The following FAM227B variants were observed in gnomAD, a reference collection of about 807,000 sequenced individuals.
The protein encoded by FAM227B is family with sequence similarity 227 member B.
In FAM227B, 88 loss-of-function variants were observed where a neutral mutation model predicts 73.8. The observed-to-expected ratio is 1.19, with a 90% CI of 1.00 to 1.42. The LOEUF is 1.42. Among genes scored for constraint, FAM227B ranks in the 40% most tolerant of loss-of-function variants. The pLI is 0.00. For missense variants in FAM227B, 632 were observed against 590.9 expected (o/e 1.07, Z -0.72); for synonymous variants, 210 against 190.5 (o/e 1.10, Z -0.84).
chr15:49,431,028 T>G (rs968428879), intron 11 of FAM227B, among the ~76,000 whole-genome samples: 7 of 151,816 alleles, frequency 4.6e-5, no homozygotes, highest in African/African-American at 1.7e-4. Flanking sequence ...ATCACACAAT[T>G]TTTGGTAGCA....
intron 11 of FAM227B, among the ~76,000 whole-genome samples, chr15:49,463,454 C>T (rs2053983250): frequency 6.6e-6 from 1 of 150,542 alleles, no homozygotes; most frequent in Non-Finnish European, 1.5e-5. Flanking sequence ...CTTGGGAGGC[C>T]GCAGGAGAAT....
At chr15:49,378,139 T>C (rs2046290381) in intron 11 of FAM227B, among the ~76,000 whole-genome samples, 1 of 152,270 alleles carries the variant, frequency 6.6e-6, no homozygotes, top group South Asian at 2.1e-4. Context: ...TGTATGTTCT[T>C]GGCACTTTTG....
Position 49,327,926 on chromosome 15 carries a change from T to A in FAM227B, c.*642A>T. The stretch of plus-strand genomic sequence containing the variant: ...CCCTTGTATTTTCATTTATAGGTTC[T>A]AATATTTTTTTCCTCACTGTTTTAG... On this transcript the variant is annotated 3_prime_UTR_variant, in exon 16 of 16. Transcript: ENST00000299338. 1 of 1,593,838 alleles carries A rather than the reference T, an allele frequency of 6.3e-7. No homozygotes were observed. Among genetic ancestry groups the A allele is most frequent in the South Asian group, 1.1e-5 (1 of 88,408 alleles).
intron 11 of FAM227B, among the ~76,000 whole-genome samples, chr15:49,453,096 C>G (rs1469037367): frequency 6.6e-6 from 1 of 151,964 alleles, no homozygotes; most frequent in Non-Finnish European, 1.5e-5. Context: ...GGTAATCATC[C>G]TAAAATATTG....
intron 11 of FAM227B, among the ~76,000 whole-genome samples, chr15:49,453,518 A>C (rs996799346): frequency 1.3e-5 from 2 of 152,166 alleles, no homozygotes; most frequent in African/African-American, 4.8e-5. Flanking sequence ...TTCACATTGC[A>C]AGGGTTCAGT....
In FAM227B at chr15:49,508,384, T is replaced by C. The variant is rs781589934; in HGVS notation, c.875-36A>G. The C allele has an allele frequency of 4.0e-6, 6 of 1,511,794 alleles. No homozygotes were observed. The Admixed American group carries it at 9.7e-5, about 24-fold the overall frequency. The allele number at this position is 1,511,794 out of a possible 1,614,324, so 93.6% of individuals were successfully genotyped here. On this transcript the variant is annotated intron_variant, in intron 10 of 15. Coordinates refer to ENST00000299338, the MANE Select transcript of FAM227B (RefSeq NM_152647.3). ...AAAATACATATTTAGCCAAATAAAT[T>C]TGGATTTTGAAAATACCTTTTAATT...
intron 9 of FAM227B, among the ~76,000 whole-genome samples, chr15:49,549,322 T>TTTTATTTA (rs71120694): frequency 0.37 from 55,180 of 147,636 alleles, 11,985 homozygotes; most frequent in East Asian, 0.55. Flanking sequence ...TGCATATGTA[T>TTTTATTTA]TTTATTTATT....
At chr15:49,387,261 C>A (rs1166339176) in intron 11 of FAM227B, among the ~76,000 whole-genome samples, 1 of 151,632 alleles carries the variant, frequency 6.6e-6, no homozygotes, top group Non-Finnish European at 1.5e-5. Flanking sequence ...ACTAGCTAAA[C>A]AAATCCCACA....
chr15:49,419,832 G>T (rs1284257264), intron 11 of FAM227B, among the ~76,000 whole-genome samples: 1 of 151,686 alleles, frequency 6.6e-6, no homozygotes, highest in Non-Finnish European at 1.5e-5. Context: ...TCCCATTCAT[G>T]CTGTAAAGTT....
chr15:49,599,168 G>C (rs967420682), intron 3 of FAM227B, among the ~76,000 whole-genome samples: 1 of 151,870 alleles, frequency 6.6e-6, no homozygotes, highest in African/African-American at 2.4e-5. Context: ...ATCCAGTCAA[G>C]GTAGGTTGTA....
Position 49,327,473 on chromosome 15 carries a change from T to G in FAM227B, c.*1095A>C, listed in dbSNP as rs1002016094. The stretch of plus-strand genomic sequence containing the variant: ...CTTTGAAACAGCCCGGCCTTAAGAA[T>G]GCAGCTGAAATAGCCATTGGGGAAA... On this transcript the variant is annotated 3_prime_UTR_variant, in exon 16 of 16. Transcript: ENST00000299338. The G allele has an allele frequency of 5.9e-5, 9 of 152,624 alleles. No individual in the cohort carries two copies. The highest frequency in any genetic ancestry group is 2.2e-4 in the African/African-American group (9 of 41,464). 9.5% of individuals were successfully genotyped at this position (152,624 alleles called of 1,614,324 possible). A position where few individuals can be genotyped will look rare whatever the true frequency, so the allele number is the denominator to read the frequency against.
chr15:49,555,742 G>A (rs4303431), intron 9 of FAM227B, among the ~76,000 whole-genome samples: 49,408 of 151,966 alleles, frequency 0.33, 8,771 homozygotes, highest in African/African-American at 0.45. Context: ...GTTCATTCTT[G>A]TTCATTGTTT....
Position 49,589,747 on chromosome 15 carries a change from T to G in FAM227B, c.337+29A>C, listed in dbSNP as rs538912957. On this transcript the variant is annotated intron_variant, in intron 4 of 15. Transcript: ENST00000299338. ...GGGAAACATAGTGAGACTCCATTTCTATAAAAGATAAAAATAAATAAGGCT... is the reference window on the plus strand; with the variant it reads ...GGGAAACATAGTGAGACTCCATTTCGATAAAAGATAAAAATAAATAAGGCT... 2.8e-5 allele frequency: 39 copies of G among 1,373,306 alleles called. No homozygotes were observed. In the East Asian group the frequency reaches 5.6e-4, roughly 20 times the overall value. The allele number at this position is 1,373,306 out of a possible 1,614,324, so 85.1% of individuals were successfully genotyped here.
At chr15:49,581,878 T>C (rs756469149) in intron 5 of FAM227B, among the ~76,000 whole-genome samples, 6 of 152,244 alleles carry the variant, frequency 3.9e-5, no homozygotes, top group Non-Finnish European at 7.4e-5. Context: ...CAAGTCTGCA[T>C]AATAACAAAC....
At chr15:49,585,559 G>A (rs1350452326) in intron 5 of FAM227B, among the ~76,000 whole-genome samples, 3 of 152,136 alleles carry the variant, frequency 2.0e-5, no homozygotes, top group Non-Finnish European at 4.4e-5. Context: ...GGATGAAGAT[G>A]GAAACCATCA....
intron 14 of FAM227B, among the ~76,000 whole-genome samples, chr15:49,333,183 T>C (rs1389108628): frequency 6.6e-6 from 1 of 152,158 alleles, no homozygotes; most frequent in African/African-American, 2.4e-5. Flanking sequence ...TTACATACCA[T>C]AAAATTGACC....
At position 49,356,941 on chromosome 15, in the gene FAM227B, C is replaced by T. The variant is rs1340324699; in HGVS notation, c.1271+10507G>A. 1.7e-4 allele frequency among the ~76,000 whole-genome samples: 26 copies of T among 148,628 alleles called. No individual in the cohort carries two copies. The South Asian group carries it at 3.5e-3, about 20-fold the overall frequency. On this transcript the variant is annotated intron_variant, in intron 13 of 15. Transcript: ENST00000299338. The stretch of plus-strand genomic sequence containing the variant: ...CAGGATTAAGAATCTCACTCAAAAC[C>T]GCTCCACTACATGGAAACTGAACAA...
chr15:49,604,451 C>T (rs575019947), intron 3 of FAM227B, among the ~76,000 whole-genome samples: 2 of 152,012 alleles, frequency 1.3e-5, no homozygotes, highest in South Asian at 4.2e-4. Flanking sequence ...TAATAAATAA[C>T]TTTCTTCTTG....
rs1424674822 is a variant in FAM227B at position 49,480,543 on chromosome 15, G to A, written c.1012+27668C>T. On this transcript the variant is annotated intron_variant, in intron 11 of 15. Coordinates refer to ENST00000299338, the MANE Select transcript of FAM227B (RefSeq NM_152647.3). ...GTTGCCTAGGCTAGAGGGCAGTGGC[G>A]CCATTTTGGCTCACTGCAGCCTCCG... 4.1e-5 allele frequency among the ~76,000 whole-genome samples: 6 copies of A among 147,358 alleles called. No homozygotes were observed. The East Asian group carries it at 1.0e-3, about 25-fold the overall frequency.
Sources: gnomAD v4.1 joint callset for allele counts (sites outside exome capture counted in the v4.1 genomes callset) on GRCh38, gnomAD v4.1.1 for gene constraint, MANE v1.5 for transcripts, NCBI Gene and HGNC (gene_info 2026-07-23, HGNC 2026-07-21) for gene names.